FRY: variants seen among roughly 807,000 people sequenced by gnomAD.
FRY encodes the protein protein furry homolog.
Under a neutral mutation model 348.4 loss-of-function variants are expected in FRY, and 128 were observed. That is an observed-to-expected ratio of 0.37 (90% CI 0.32 to 0.43). The LOEUF is 0.43. Among genes scored for constraint, FRY ranks in the 20% least tolerant of loss-of-function variants. FRY has a pLI of 1.00. For synonymous variants in FRY, 1,370 were observed against 1,374.7 expected, an observed-to-expected ratio of 1.00 and a Z score of 0.08; for missense variants, 2,736 against 3,695.2, an observed-to-expected ratio of 0.74 and a Z score of 6.73.
chr13:32,136,801 A>T lies in FRY; in HGVS notation c.1078-70A>T, dbSNP rs1879752464. 3.3e-6 allele frequency: 3 copies of T among 912,808 alleles called. No individual in the cohort carries two copies. In the African/African-American group the frequency reaches 4.9e-5, roughly 15 times the overall value. The allele number at this position is 912,808 out of a possible 1,614,324, so 56.5% of individuals were successfully genotyped here. ...CGAGGGAGATGGCAAGGTAGTGGGTACAGAGAATGTATGTTACCTGGTTTG... is the reference window on the plus strand; with the variant it reads ...CGAGGGAGATGGCAAGGTAGTGGGTTCAGAGAATGTATGTTACCTGGTTTG... On this transcript the variant is annotated intron_variant, in intron 10 of 60. Transcript: ENST00000542859.
intron 14 of FRY, among the ~76,000 whole-genome samples, chr13:32,150,602 GA>G (rs1181531276): frequency 6.6e-6 from 1 of 152,092 alleles, no homozygotes; most frequent in Non-Finnish European, 1.5e-5. Context: ...TCAACTCGCA[GA>G]AGAATTGTGA....
At position 32,225,050 on chromosome 13, in the gene FRY, TA is replaced by T; in HGVS notation, c.5020+18del. The T allele has an allele frequency of 1.4e-6, 2 of 1,404,668 alleles. No individual in the cohort carries two copies. The highest frequency in any genetic ancestry group is 2.0e-6 in the Non-Finnish European group (2 of 988,428). 87.0% of individuals were successfully genotyped at this position (1,404,668 alleles called of 1,614,324 possible). A position where few individuals can be genotyped will look rare whatever the true frequency, so the allele number is the denominator to read the frequency against. On this transcript the variant is annotated intron_variant, in intron 38 of 60. Transcript: ENST00000542859. ...CTGTCTTCTTAGGTAAGACTGGATCTAAAAGGCATTCTAGCCAATCGGGTTA... is the reference window on the plus strand; with the variant it reads ...CTGTCTTCTTAGGTAAGACTGGATCTAAAGGCATTCTAGCCAATCGGGTTA...
At position 32,107,366 on chromosome 13, in the gene FRY, A is replaced by G. The variant is rs61361607; in HGVS notation, c.324+5350A>G. 3.7e-3 allele frequency among the ~76,000 whole-genome samples: 558 copies of G among 152,224 alleles called. 3 individuals carry two copies. Among genetic ancestry groups the G allele is most frequent in the African/African-American group, 0.013 (546 of 41,556 alleles). ...TCTCAAAAATAAAAAATAAAAATAA[A>G]GAAGAAACCTGGAAAAAAGATTTTA... On this transcript the variant is annotated intron_variant, in intron 3 of 60. Coordinates refer to ENST00000542859, the MANE Select transcript of FRY (RefSeq NM_023037.3).
Position 32,228,464 on chromosome 13 carries a change from G to T in FRY, c.5215G>T (p.Asp1739Tyr). Reference sequence around the variant, plus strand: ...CCTTCTTCTCCCACCAGGTGGCTTTGACTTCCTGAGAGAGGACCAGTCATC... The same window carrying T: ...CCTTCTTCTCCCACCAGGTGGCTTTTACTTCCTGAGAGAGGACCAGTCATC... ...QPEYLYTGGFDFLREDQSSPV... is the reference protein window; with the variant it reads ...QPEYLYTGGFYFLREDQSSPV... The change falls in exon 40 of 61, where the codon GAC becomes TAC. Residue 1739 changes from aspartate to tyrosine, a missense_variant. Transcript: ENST00000542859. 3 of 1,612,222 alleles carry T rather than the reference G, an allele frequency of 1.9e-6. No individual in the cohort carries two copies. Among genetic ancestry groups the T allele is most frequent in the Non-Finnish European group, 1.7e-6 (2 of 1,179,744 alleles).
intron 22 of FRY, among the ~76,000 whole-genome samples, 172 bp from the exon 23 acceptor site, chr13:32,179,503 T>TGTGTGTGTGTGTG (rs1882570010): frequency 7.3e-6 from 1 of 137,552 alleles, no homozygotes; most frequent in Non-Finnish European, 1.6e-5. Flanking sequence ...TGTATTAAAT[T>TGTGTGTGTGTGTG]TGTGTGTGTG....
intron 19 of FRY, among the ~76,000 whole-genome samples, chr13:32,174,472 G>A (rs907038147): frequency 2.0e-5 from 3 of 152,128 alleles, no homozygotes; most frequent in African/African-American, 7.2e-5. Context: ...AGTGTGCTAA[G>A]TGCTTTATAA....
Position 32,065,798 on chromosome 13 carries a change from CT to C in FRY, c.71-13035del, listed in dbSNP as rs1157327484. 1.4e-4 allele frequency among the ~76,000 whole-genome samples: 21 copies of C among 152,060 alleles called. 1 individual carries two copies. Among genetic ancestry groups the C allele is most frequent in the African/African-American group, 5.1e-4 (21 of 41,466 alleles). ...AATTTTTTTTTGGTAGAGATGGGGT[CT>C]CACTGTGTTGCCCAGGCTGTTTACA... On this transcript the variant is annotated intron_variant, in intron 1 of 60. Transcript: ENST00000542859.
intron 1 of FRY, among the ~76,000 whole-genome samples, chr13:32,065,542 G>A (rs1874201581): frequency 6.6e-6 from 1 of 151,936 alleles, no homozygotes; most frequent in African/African-American, 2.4e-5. Flanking sequence ...CTGAGCTCAA[G>A]CAATCCTCCT....
Position 32,224,254 on chromosome 13 carries a change from C to T in FRY, c.4785C>T (p.Tyr1595=). 1.3e-5 allele frequency: 21 copies of T among 1,614,136 alleles called. No homozygotes were observed. The highest frequency in any genetic ancestry group is 1.8e-5 in the Non-Finnish European group (21 of 1,179,978). ...CTCCAGATGATCCAATTTCTCCCTA[C>T]ACGGGCTGGTTGCTGACTATTACAG... The part of the protein sequence containing the change: ...DEDKNDPISP[Y]TGWLLTITET... Residue 1595 remains tyrosine, a synonymous_variant, in exon 37 of 61, where the codon TAC becomes TAT. Coordinates refer to ENST00000542859, the MANE Select transcript of FRY (RefSeq NM_023037.3).
intron 4 of FRY, among the ~76,000 whole-genome samples, chr13:32,121,893 A>G (rs1262978217): frequency 6.6e-6 from 1 of 152,198 alleles, no homozygotes; most frequent in Non-Finnish European, 1.5e-5. Flanking sequence ...GTTATCTTCT[A>G]GAATTTTTAT....
chr13:32,062,640 A>T (rs1017882576), intron 1 of FRY, among the ~76,000 whole-genome samples: 2 of 152,170 alleles, frequency 1.3e-5, no homozygotes, highest in African/African-American at 4.8e-5. Flanking sequence ...ATATTTTTTA[A>T]ATGAGCTGGT....
At chr13:32,122,250 T>C (rs1042445895) in intron 4 of FRY, among the ~76,000 whole-genome samples, 1 of 152,074 alleles carries the variant, frequency 6.6e-6, no homozygotes, top group African/African-American at 2.4e-5. Flanking sequence ...GAGACCATCC[T>C]GGCTAACACA....
intron 59 of FRY, among the ~76,000 whole-genome samples, chr13:32,290,369 A>G (rs966586325): frequency 6.6e-6 from 1 of 152,156 alleles, no homozygotes; most frequent in African/African-American, 2.4e-5. Flanking sequence ...GCCTAGGGGT[A>G]AGAAAGGTTG....
intron 3 of FRY, among the ~76,000 whole-genome samples, chr13:32,113,570 A>T (rs1426184602): frequency 1.3e-5 from 2 of 152,218 alleles, no homozygotes; most frequent in African/African-American, 2.4e-5. Context: ...TGTGCACTTC[A>T]TCTCTTCATG....
At chr13:32,111,251 G>T (rs1877937163) in intron 3 of FRY, among the ~76,000 whole-genome samples, 1 of 152,134 alleles carries the variant, frequency 6.6e-6, no homozygotes, top group Admixed American at 6.5e-5. Context: ...ACTTTAGGAG[G>T]CTGAGGCAGG....
chr13:32,196,470 C>T (rs924855577), intron 29 of FRY, among the ~76,000 whole-genome samples: 1 of 152,092 alleles, frequency 6.6e-6, no homozygotes, highest in Non-Finnish European at 1.5e-5. Context: ...GCCATTTTTG[C>T]ATAATTAATG....
At chr13:32,208,169 A>G (rs1365147254) in intron 31 of FRY, among the ~76,000 whole-genome samples, 2 of 152,216 alleles carry the variant, frequency 1.3e-5, no homozygotes, top group East Asian at 1.9e-4. Context: ...CACCTTCCAC[A>G]TGCTTAGCAG....
chr13:32,173,461 T>C lies in FRY; in HGVS notation c.2246T>C (p.Leu749Pro). The C allele has an allele frequency of 6.2e-7, 1 of 1,613,198 alleles. No homozygotes were observed. Among genetic ancestry groups the C allele is most frequent in the Non-Finnish European group, 8.5e-7 (1 of 1,179,688 alleles). Residue 749 changes from leucine to proline, a missense_variant, in exon 19 of 61, where the codon CTC (leucine) becomes CCC (proline). Transcript: ENST00000542859. Reference protein sequence around the residue: ...HAVEGFALVLLCSFQVATRKL... With the variant: ...HAVEGFALVLPCSFQVATRKL... Reference sequence around the variant, plus strand: ...GTAGAAGGTTTTGCTCTGGTTTTACTCTGCAGTTTCCAGGTGGCCACACGC... The same window carrying C: ...GTAGAAGGTTTTGCTCTGGTTTTACCCTGCAGTTTCCAGGTGGCCACACGC...
chr13:32,183,943 G>T (rs1882871292), intron 24 of FRY, among the ~76,000 whole-genome samples: 1 of 152,040 alleles, frequency 6.6e-6, no homozygotes, highest in Admixed American at 6.5e-5. Context: ...TTGAGACCAG[G>T]CTGGGCACAT....
Sources: allele counts gnomAD v4.1 joint callset (sites outside exome capture counted in the v4.1 genomes callset), GRCh38; gene constraint gnomAD v4.1.1; transcripts MANE v1.5; gene names NCBI Gene and HGNC (gene_info 2026-07-23, HGNC 2026-07-21).